Variants in LRRC1 observed in about 807,000 individuals in gnomAD.
LRRC1 encodes leucine-rich repeat-containing protein 1.
LRRC1 carries 28 observed loss-of-function variants against 69.9 expected under a neutral mutation model. The observed-to-expected ratio is 0.40, with a 90% CI of 0.30 to 0.55. The LOEUF (loss-of-function observed/expected upper bound fraction) is 0.55. LRRC1 is among the 20% of genes least tolerant of loss of function. LRRC1 has a pLI of 0.47. For missense variants in LRRC1, 498 were observed against 609.0 expected, an observed-to-expected ratio of 0.82 and a Z score of 1.92; for synonymous variants, 236 against 240.2, an observed-to-expected ratio of 0.98 and a Z score of 0.16.
At chr6:53,826,713 A>G (rs1275885815) in intron 1 of LRRC1, among the ~76,000 whole-genome samples, 1 of 152,118 alleles carries the variant, frequency 6.6e-6, no homozygotes, top group Non-Finnish European at 1.5e-5. Flanking sequence ...GCCTCTTTAG[A>G]CATACATTTT....
intron 1 of LRRC1, among the ~76,000 whole-genome samples, chr6:53,833,905 T>C (rs534164413): frequency 1.3e-5 from 2 of 152,354 alleles, no homozygotes; most frequent in East Asian, 3.9e-4. Context: ...CAATCAGTAT[T>C]TCAAATTCTT....
At chr6:53,880,398 C>T (rs886565642) in intron 3 of LRRC1, among the ~76,000 whole-genome samples, 1 of 152,170 alleles carries the variant, frequency 6.6e-6, no homozygotes, top group African/African-American at 2.4e-5. Context: ...CTATAGCTCC[C>T]ATCTCTATAA....
At chr6:53,848,513 G>A (rs561761664) in intron 2 of LRRC1, among the ~76,000 whole-genome samples, 2 of 152,202 alleles carry the variant, frequency 1.3e-5, no homozygotes, top group Admixed American at 1.3e-4. Flanking sequence ...CTTTTGATGA[G>A]TATATTTTAC....
chr6:53,843,981 C>T (rs954645402), intron 2 of LRRC1, among the ~76,000 whole-genome samples: 5 of 152,234 alleles, frequency 3.3e-5, no homozygotes, highest in Middle Eastern at 3.4e-3. Context: ...GTCAGGTTAC[C>T]AGCCACCCTA....
intron 1 of LRRC1, among the ~76,000 whole-genome samples, chr6:53,803,378 C>G (rs1764542163): frequency 6.6e-6 from 1 of 152,100 alleles, no homozygotes; most frequent in Admixed American, 6.5e-5. Context: ...AGGACTCTAC[C>G]CAGGATTCAG....
At chr6:53,821,174 T>G (rs1765104244) in intron 1 of LRRC1, among the ~76,000 whole-genome samples, 1 of 152,234 alleles carries the variant, frequency 6.6e-6, no homozygotes, top group Non-Finnish European at 1.5e-5. Flanking sequence ...GCATTTGCGC[T>G]AATGCTGTAC....
intron 1 of LRRC1, among the ~76,000 whole-genome samples, chr6:53,804,442 T>C (rs1264919004): frequency 1.3e-5 from 2 of 152,202 alleles, no homozygotes; most frequent in Non-Finnish European, 2.9e-5. Flanking sequence ...TGTTTCTTCT[T>C]CTTATATCAC....
chr6:53,897,378 G>A lies in LRRC1; in HGVS notation c.642+19G>A, dbSNP rs769528581. 9.8e-6 allele frequency: 15 copies of A among 1,538,140 alleles called. No homozygotes were observed. The South Asian group carries it at 1.4e-4, about 14-fold the overall frequency. On this transcript the variant is annotated intron_variant, in intron 7 of 13. Coordinates refer to ENST00000370888, the MANE Select transcript of LRRC1 (RefSeq NM_018214.5). ...ACCTCAGGTAAGTGGTAATTTCACA[G>A]TGTCTCCCCAAAACATAAAACAGCA...
chr6:53,916,128 TATATC>T (rs1025248252), intron 11 of LRRC1, among the ~76,000 whole-genome samples: 6 of 152,174 alleles, frequency 3.9e-5, no homozygotes, highest in African/African-American at 1.4e-4. Context: ...GAAAATGTCT[TATATC>T]ATCAGTTACT....
chr6:53,892,047 CAT>C (rs1554185490), intron 4 of LRRC1, among the ~76,000 whole-genome samples: 38 of 148,828 alleles, frequency 2.6e-4, no homozygotes, highest in African/African-American at 5.7e-4. Context: ...CACACACACA[CAT>C]ACACATAAAA....
intron 2 of LRRC1, among the ~76,000 whole-genome samples, chr6:53,848,299 G>A (rs1157756699): frequency 6.6e-6 from 1 of 152,186 alleles, no homozygotes; most frequent in Non-Finnish European, 1.5e-5. Context: ...AAGAGTTAAT[G>A]TAGAAAAATA....
In LRRC1 at chr6:53,860,639, A is replaced by G. The variant is rs745935482; in HGVS notation, c.278-18354A>G. On this transcript the variant is annotated intron_variant, in intron 2 of 13. Coordinates refer to ENST00000370888, the MANE Select transcript of LRRC1 (RefSeq NM_018214.5). ...TGAGAAGGCAGTTAAATTAGATCCA[A>G]ACAGTCCTGCTTTTCATCCATTTCC... 4.8e-4 allele frequency among the ~76,000 whole-genome samples: 73 copies of G among 152,278 alleles called. 1 individual carries two copies. Among genetic ancestry groups the G allele is most frequent in the Non-Finnish European group, 2.1e-4 (14 of 68,022 alleles).
chr6:53,878,719 A>G (rs1417275045), intron 2 of LRRC1, among the ~76,000 whole-genome samples: 1 of 152,104 alleles, frequency 6.6e-6, no homozygotes, highest in Non-Finnish European at 1.5e-5. Flanking sequence ...GGGATTGGGG[A>G]CCCCTGCCAT....
intron 4 of LRRC1, among the ~76,000 whole-genome samples, chr6:53,892,710 C>G (rs1339110564): frequency 6.6e-6 from 1 of 152,226 alleles, no homozygotes; most frequent in Non-Finnish European, 1.5e-5. Flanking sequence ...TGCATTTAGG[C>G]TGATTCTGTT....
chr6:53,891,674 A>G (rs1221290537), intron 4 of LRRC1, among the ~76,000 whole-genome samples: 1 of 152,132 alleles, frequency 6.6e-6, no homozygotes, highest in African/African-American at 2.4e-5. Context: ...TCTTTACTGA[A>G]TATATTGTTG....
chr6:53,923,891 A>G lies in LRRC1; in HGVS notation c.*1098A>G, dbSNP rs534369544. On this transcript the variant is annotated 3_prime_UTR_variant, in exon 14 of 14. Transcript: ENST00000370888. The stretch of plus-strand genomic sequence containing the variant: ...AAATGTTGCTATCTTTATAAGTGCA[A>G]TTTAATTTGTAAATAGAGTTTGAAT... 1 of 152,772 alleles carries G rather than the reference A, an allele frequency of 6.5e-6. No homozygotes were observed. Among genetic ancestry groups the G allele is most frequent in the South Asian group, 2.1e-4 (1 of 4,834 alleles). 9.5% of individuals were successfully genotyped at this position (152,772 alleles called of 1,614,324 possible). A position where few individuals can be genotyped will look rare whatever the true frequency, so the allele number is the denominator to read the frequency against.
chr6:53,842,820 C>T (rs1671669709), intron 2 of LRRC1, among the ~76,000 whole-genome samples: 1 of 152,210 alleles, frequency 6.6e-6, no homozygotes, highest in Admixed American at 6.5e-5. Context: ...CTGCTGGTGG[C>T]TTTGCCCACT....
Position 53,923,538 on chromosome 6 carries a change from A to C in LRRC1, c.*745A>C, listed in dbSNP as rs1251901569. ...GATTTGTTTTTAACCAAAAAGATGA[A>C]TTATCAATGATTTGTAATTATATCA... On this transcript the variant is annotated 3_prime_UTR_variant, in exon 14 of 14. Coordinates refer to ENST00000370888, the MANE Select transcript of LRRC1 (RefSeq NM_018214.5). 1.3e-5 allele frequency: 2 copies of C among 152,654 alleles called. No individual in the cohort carries two copies. Among genetic ancestry groups the C allele is most frequent in the Admixed American group, 6.5e-5 (1 of 15,288 alleles). 9.5% of individuals were successfully genotyped at this position (152,654 alleles called of 1,614,324 possible). A position where few individuals can be genotyped will look rare whatever the true frequency, so the allele number is the denominator to read the frequency against.
At chr6:53,825,999 A>G (rs955425624) in intron 1 of LRRC1, among the ~76,000 whole-genome samples, 1 of 151,726 alleles carries the variant, frequency 6.6e-6, no homozygotes, top group Non-Finnish European at 1.5e-5. Context: ...TTTCAAGCAG[A>G]GGAATGGCAT....
Sources: gnomAD v4.1 joint callset for allele counts (sites outside exome capture counted in the v4.1 genomes callset) on GRCh38, gnomAD v4.1.1 for gene constraint, MANE v1.5 for transcripts, NCBI Gene and HGNC (gene_info 2026-07-23, HGNC 2026-07-21) for gene names.